The following PRKCZ variants were observed in gnomAD, a reference collection of about 807,000 sequenced individuals.
The protein encoded by PRKCZ is protein kinase C zeta type.
PRKCZ carries 33 observed loss-of-function variants against 79.5 expected under a neutral mutation model. The ratio of observed to expected loss-of-function variants is 0.41; its 90% CI spans 0.31 to 0.55. PRKCZ has a LOEUF of 0.55. Ranked by LOEUF, PRKCZ falls within the 20% of genes least tolerant of loss-of-function variation. The pLI is 0.19. For synonymous variants in PRKCZ, 342 were observed against 320.9 expected (o/e 1.07, Z -0.70); for missense variants, 578 against 813.5 (o/e 0.71, Z 3.52).
rs1668063033 is a variant in PRKCZ, at chr1:2,104,701, T to C, written c.335-30561T>C. 11 of 985,718 alleles carry C rather than the reference T, an allele frequency of 1.1e-5. No individual in the cohort carries two copies. In the South Asian group the frequency reaches 3.8e-4, roughly 34 times the overall value. 61.1% of individuals were successfully genotyped at this position (985,718 alleles called of 1,614,324 possible). On this transcript the variant is annotated intron_variant, in intron 4 of 17. Transcript: ENST00000378567. ...GGAGAGAGGGAGGCTGGGCCTGCCC[T>C]GGCGAGGGGTGGTCAGAACATCGCT...
intron 1 of PRKCZ, among the ~76,000 whole-genome samples, chr1:2,052,156 G>C (rs1005980264): frequency 4.6e-5 from 7 of 152,150 alleles, no homozygotes; most frequent in Non-Finnish European, 8.8e-5. Flanking sequence ...GGAGTCCTGC[G>C]AGAGGGAGGT....
rs565522196 is a variant in PRKCZ, at chr1:2,102,401, T to C, written c.335-32861T>C. ...AGGCTGGAGTGCAGTGGTGCAATCT[T>C]GGCTCACTGCAAGCCCCGTCTCCCA... is the stretch of plus-strand genomic sequence containing the variant. On this transcript the variant is annotated intron_variant, in intron 4 of 17. Transcript: ENST00000378567. Among the ~76,000 whole-genome samples the C allele has an allele frequency of 1.9e-3, 291 of 151,784 alleles. 2 individuals carry two copies. Among genetic ancestry groups the C allele is most frequent in the Middle Eastern group, 0.017 (5 of 292 alleles).
At chr1:2,114,736 T>A (rs529713886) in intron 4 of PRKCZ, among the ~76,000 whole-genome samples, 1 of 151,736 alleles carries the variant, frequency 6.6e-6, no homozygotes, top group Non-Finnish European at 1.5e-5. Context: ...ATCGTGCCAC[T>A]GCACTCCAGC....
rs1370165584 is a variant in PRKCZ, at chr1:2,128,120, C to T, written c.335-7142C>T. On this transcript the variant is annotated intron_variant, in intron 4 of 17. Transcript: ENST00000378567. The surrounding 1 kb of genome is among the most constrained non-coding windows in gnomAD (Gnocchi z 6.5). ...ACCTGCACCCTCAGTGACAGCTGCA[C>T]CCTGGCTTCTGGGGACCTCTGGGCC... Among the ~76,000 whole-genome samples, 1 of 152,228 alleles carries T rather than the reference C, an allele frequency of 6.6e-6. No individual in the cohort carries two copies. The highest frequency in any genetic ancestry group is 1.5e-5 in the Non-Finnish European group (1 of 68,034).
At chr1:2,109,583 C>T (rs149858276) in intron 4 of PRKCZ, among the ~76,000 whole-genome samples, 1,888 of 152,256 alleles carry the variant, frequency 0.012, 26 homozygotes, top group African/African-American at 0.035. Flanking sequence ...GGGGGTCACA[C>T]GGGGCCGAGT....
At chr1:2,155,787 C>T (rs1006356177) in intron 9 of PRKCZ, among the ~76,000 whole-genome samples, 3 of 149,544 alleles carry the variant, frequency 2.0e-5, no homozygotes, top group African/African-American at 5.0e-5. Context: ...ATGACAGTGA[C>T]AATGATGATG....
chr1:2,068,620 G>A (rs1661317685), intron 4 of PRKCZ, among the ~76,000 whole-genome samples: 1 of 152,212 alleles, frequency 6.6e-6, no homozygotes, highest in Non-Finnish European at 1.5e-5. Flanking sequence ...TCTGGAGTAG[G>A]ACATGGACTT....
At chr1:2,088,297 C>T (rs1283790703) in intron 4 of PRKCZ, among the ~76,000 whole-genome samples, 2 of 152,112 alleles carry the variant, frequency 1.3e-5, no homozygotes. Context: ...ATGGTGCGCC[C>T]CATGGGGTCT....
In PRKCZ at chr1:2,116,702, C is replaced by T. The variant is rs181418500; in HGVS notation, c.335-18560C>T. ...TCTGCTTTATAATCACCATTGGTAACTTGTGTTATGAGTCTCCAATTTGGG... is the reference window on the plus strand; with the variant it reads ...TCTGCTTTATAATCACCATTGGTAATTTGTGTTATGAGTCTCCAATTTGGG... On this transcript the variant is annotated intron_variant, in intron 4 of 17. Coordinates refer to ENST00000378567, the MANE Select transcript of PRKCZ (RefSeq NM_002744.6). Among the ~76,000 whole-genome samples the T allele has an allele frequency of 2.5e-3, 382 of 152,248 alleles. 1 individual carries two copies. Among genetic ancestry groups the T allele is most frequent in the African/African-American group, 8.6e-3 (357 of 41,532 alleles).
intron 4 of PRKCZ, among the ~76,000 whole-genome samples, chr1:2,129,643 G>A (rs1187138481): frequency 2.0e-5 from 3 of 151,086 alleles, no homozygotes; most frequent in Admixed American, 2.0e-4. Flanking sequence ...GAGCCAGGCA[G>A]GGGGGGTCTC....
intron 6 of PRKCZ, chr1:2,145,337 G>A (rs1355310381): frequency 6.6e-6 from 1 of 152,218 alleles, no homozygotes; most frequent in African/African-American, 2.4e-5. Flanking sequence ...CATATCTGCA[G>A]GCGGAACCCA....
intron 4 of PRKCZ, chr1:2,073,592 C>A: frequency 1.0e-6 from 1 of 985,040 alleles, no homozygotes; most frequent in Non-Finnish European, 1.2e-6. Flanking sequence ...TGTGCTGATG[C>A]AGAGATGCTT....
At chr1:2,069,612 C>T (rs751986590) in intron 4 of PRKCZ, among the ~76,000 whole-genome samples, 3 of 152,186 alleles carry the variant, frequency 2.0e-5, no homozygotes, top group Admixed American at 6.5e-5. Context: ...GATGTCAAGA[C>T]GACAGCCAGG....
In PRKCZ at chr1:2,125,218, C is replaced by T. The variant is rs552249580; in HGVS notation, c.335-10044C>T. On this transcript the variant is annotated intron_variant, in intron 4 of 17. Transcript: ENST00000378567. The surrounding 1 kb of genome is among the most constrained non-coding windows in gnomAD (Gnocchi z 4.2). Reference sequence around the variant, plus strand: ...AAAAAATTTCTTACATAGAAAGGAGCGGTATTTGGTATGAATTTATTTGCA... The same window carrying T: ...AAAAAATTTCTTACATAGAAAGGAGTGGTATTTGGTATGAATTTATTTGCA... 1.4e-4 allele frequency among the ~76,000 whole-genome samples: 21 copies of T among 152,248 alleles called. No homozygotes were observed. The highest frequency in any genetic ancestry group is 2.4e-4 in the Non-Finnish European group (16 of 68,018).
At chr1:2,139,162 C>T (rs16824862) in intron 5 of PRKCZ, among the ~76,000 whole-genome samples, 7,744 of 152,196 alleles carry the variant, frequency 0.051, 616 homozygotes, top group African/African-American at 0.17. Flanking sequence ...AATGCTGGGA[C>T]CGAGAAGCTG....
chr1:2,185,338 C>T lies in PRKCZ; in HGVS notation c.*329C>T. 1.4e-6 allele frequency: 1 copy of T among 718,816 alleles called. No individual in the cohort carries two copies. The highest frequency in any genetic ancestry group is 2.7e-5 in the East Asian group (1 of 37,298). 44.5% of individuals were successfully genotyped at this position (718,816 alleles called of 1,614,324 possible). On this transcript the variant is annotated 3_prime_UTR_variant, in exon 18 of 18. Transcript: ENST00000378567. ...ACAGAACTCGATGCACTGACCTGCT[C>T]CGCCAGGAAAGTGAGCGTGTAGCGT...
intron 4 of PRKCZ, among the ~76,000 whole-genome samples, chr1:2,132,127 G>T (rs1242260626): frequency 6.6e-6 from 1 of 152,092 alleles, no homozygotes; most frequent in Admixed American, 6.6e-5. Flanking sequence ...TTGTTTGTTT[G>T]TTTTTTGACT....
intron 11 of PRKCZ, among the ~76,000 whole-genome samples, chr1:2,170,895 C>T (rs976004503): frequency 1.2e-4 from 18 of 152,224 alleles, no homozygotes; most frequent in Admixed American, 8.5e-4. Context: ...GTCCATCCCT[C>T]GGGGGGCACT....
At position 2,050,667 on chromosome 1, in the gene PRKCZ, G is replaced by T. The variant is rs1236161858; in HGVS notation, c.37G>T (p.Gly13Cys). The stretch of plus-strand genomic sequence containing the variant: ...GACCGGCCCCAAGATGGAAGGGAGC[G>T]GCGGCCGCGTCCGCCTCAAGGCGCA... ...SRTGPKMEGSGGRVRLKAHYG... is the reference protein window; with the variant it reads ...SRTGPKMEGSCGRVRLKAHYG... The change falls in exon 1 of 18, where the codon GGC (glycine) becomes TGC (cysteine). Residue 13 changes from glycine to cysteine, a missense_variant. This residue lies in a region of PRKCZ where 228 missense variants were observed against 211.6 expected (regional missense o/e 1.08). Transcript: ENST00000378567. 3.3e-6 allele frequency: 4 copies of T among 1,227,572 alleles called. No individual in the cohort carries two copies. The highest frequency in any genetic ancestry group is 8.2e-5 in the South Asian group (2 of 24,310). The allele number at this position is 1,227,572 out of a possible 1,614,324, so 76.0% of individuals were successfully genotyped here.
Sources: allele counts gnomAD v4.1 joint callset (sites outside exome capture counted in the v4.1 genomes callset), GRCh38; gene constraint gnomAD v4.1.1; regional missense constraint gnomAD v4.1.1; non-coding constraint Gnocchi (gnomAD v3.1); transcripts MANE v1.5; gene names NCBI Gene and HGNC (gene_info 2026-07-23, HGNC 2026-07-21).